The following MNS1 variants were observed in gnomAD, a reference collection of about 807,000 sequenced individuals.
MNS1 encodes meiosis-specific nuclear structural protein 1.
MNS1 carries 63 observed loss-of-function variants against 72.0 expected under a neutral mutation model. That is an observed-to-expected ratio of 0.87 (90% CI 0.71 to 1.08). The LOEUF is 1.08. MNS1 is among the 50% of genes least tolerant of loss of function. The pLI is 0.00. For synonymous variants in MNS1, 188 were observed against 172.1 expected, an observed-to-expected ratio of 1.09 and a Z score of -0.72; for missense variants, 604 against 562.4, an observed-to-expected ratio of 1.07 and a Z score of -0.75.
chr15:56,438,825 G>T (rs938382174), intron 7 of MNS1, among the ~76,000 whole-genome samples: 10 of 152,118 alleles, frequency 6.6e-5, no homozygotes, highest in Non-Finnish European at 1.5e-4. Flanking sequence ...CAAAAAGTGG[G>T]CGAAGGATAT....
In MNS1 at chr15:56,464,216, T is replaced by G. The variant is rs375221907; in HGVS notation, c.35A>C (p.Glu12Ala). The change falls in exon 2 of 10, where the codon GAA (glutamate) becomes GCA (alanine). Residue 12 changes from glutamate to alanine, a missense_variant. Physicochemically the swap from Glu to Ala is moderately radical, Grantham distance 107. Coordinates refer to ENST00000260453, the MANE Select transcript of MNS1 (RefSeq NM_018365.4). ...TTCATCTACTAATTTCTGATGCCTT[T>G]CACTACAGCTCAAATTTCTCCTTTT... ...GSKRRNLSCS[E>A]RHQKLVDENY... 2.4e-5 allele frequency: 39 copies of G among 1,611,588 alleles called. No individual in the cohort carries two copies. The highest frequency in any genetic ancestry group is 2.9e-5 in the Non-Finnish European group (34 of 1,179,382).
intron 5 of MNS1, 151 bp from the exon 6 acceptor site, chr15:56,444,005 T>C: frequency 6.1e-6 from 4 of 651,174 alleles, no homozygotes; most frequent in Non-Finnish European, 9.9e-6. Flanking sequence ...GTGCTAAATA[T>C]AATGTCAGGT....
chr15:56,446,797 T>G, intron 4 of MNS1, 44 bp downstream of exon 4: 2 of 1,414,722 alleles, frequency 1.4e-6, no homozygotes, highest in Non-Finnish European at 2.0e-6. Flanking sequence ...TAATTTTTAT[T>G]TTCTAAATGA....
intron 3 of MNS1, chr15:56,447,843 A>C (rs142342019): frequency 6.6e-6 from 1 of 152,232 alleles, no homozygotes; most frequent in East Asian, 1.9e-4. Context: ...GAGGCAAGCT[A>C]ATTTGCTGTC....
chr15:56,439,997 T>G (rs2050792470), intron 7 of MNS1, among the ~76,000 whole-genome samples: 1 of 152,034 alleles, frequency 6.6e-6, no homozygotes, highest in African/African-American at 2.4e-5. Flanking sequence ...GAAGAAACTA[T>G]TTGCTAACCA....
chr15:56,430,791 A>G (rs2050568651), intron 9 of MNS1, among the ~76,000 whole-genome samples: 1 of 152,200 alleles, frequency 6.6e-6, no homozygotes, highest in South Asian at 2.1e-4. Context: ...TTTCATACAC[A>G]TTCTCATCTT....
intron 9 of MNS1, 135 bp downstream of exon 9, chr15:56,431,238 G>A: frequency 1.1e-6 from 1 of 951,338 alleles, no homozygotes; most frequent in African/African-American, 1.7e-5. Flanking sequence ...TTCAGTGCCT[G>A]GACAGGAGGA....
chr15:56,435,442 AAATG>A (rs1273365829), intron 7 of MNS1, among the ~76,000 whole-genome samples: 3 of 152,064 alleles, frequency 2.0e-5, no homozygotes, highest in African/African-American at 7.2e-5. Context: ...TAGAAAAAAA[AAATG>A]AATGAATAAA....
intron 3 of MNS1, among the ~76,000 whole-genome samples, chr15:56,453,808 A>T (rs2050963364): frequency 6.6e-6 from 1 of 152,158 alleles, no homozygotes. Context: ...AATTAACAGG[A>T]GTCATGATTT....
rs532486425 is a variant in MNS1 at position 56,430,682 on chromosome 15, T to C, written c.1395+691A>G. On this transcript the variant is annotated intron_variant, in intron 9 of 9. Coordinates refer to ENST00000260453, the MANE Select transcript of MNS1 (RefSeq NM_018365.4). ...GGTGTTACCAGTGACAATGTTTTCA[T>C]ACACATTCTCATCTTTGGCATGTAA... Among the ~76,000 whole-genome samples the C allele has an allele frequency of 2.1e-3, 317 of 152,272 alleles. 1 individual carries two copies. The highest frequency in any genetic ancestry group is 3.6e-3 in the Non-Finnish European group (247 of 68,028).
At chr15:56,454,336 T>C (rs986073528) in intron 3 of MNS1, among the ~76,000 whole-genome samples, 3 of 149,878 alleles carry the variant, frequency 2.0e-5, no homozygotes, top group Non-Finnish European at 4.4e-5. Context: ...CCCTCAAGCA[T>C]TTATCATTTG....
intron 9 of MNS1, chr15:56,430,171 A>G (rs1304824266): frequency 6.6e-6 from 1 of 152,152 alleles, no homozygotes; most frequent in Non-Finnish European, 1.5e-5. Context: ...GATCTTATTT[A>G]TATGAGTCTA....
At chr15:56,444,699 T>C (rs1417039045) in intron 4 of MNS1, 26 bp from the exon 5 acceptor site, 1 of 1,575,876 alleles carries the variant, frequency 6.3e-7, no homozygotes, top group Admixed American at 1.7e-5. Flanking sequence ...AATTGATCTT[T>C]CCGTTTTCAA....
Position 56,431,103 on chromosome 15 carries a change from G to A in MNS1, c.1395+270C>T, listed in dbSNP as rs1453603679. ...CGGGAGGCAGAGGTTGCAGTAAGCT[G>A]ACATCTTGCCACTGCACTCCAGCCT... On this transcript the variant is annotated intron_variant, in intron 9 of 9. Transcript: ENST00000260453. Among the ~76,000 whole-genome samples, 8 of 152,310 alleles carry A rather than the reference G, an allele frequency of 5.3e-5. 1 individual carries two copies. The South Asian group carries it at 8.3e-4, about 16-fold the overall frequency.
intron 3 of MNS1, among the ~76,000 whole-genome samples, chr15:56,451,261 G>C (rs564672349): frequency 5.3e-5 from 8 of 152,310 alleles, no homozygotes; most frequent in African/African-American, 1.9e-4. Context: ...TTGTGAATAA[G>C]ATCTGCTCTG....
intron 4 of MNS1, among the ~76,000 whole-genome samples, chr15:56,446,501 A>C (rs1445050552): frequency 3.3e-5 from 5 of 152,046 alleles, no homozygotes; most frequent in African/African-American, 1.2e-4. Context: ...AAAAACATTT[A>C]AATAATTAAA....
At chr15:56,456,634 T>C in intron 2 of MNS1, 113 bp from the exon 3 acceptor site, 1 of 1,029,858 alleles carries the variant, frequency 9.7e-7, no homozygotes, top group Non-Finnish European at 1.4e-6. Flanking sequence ...CAATTGATGA[T>C]GTTTTATTTT....
intron 3 of MNS1, among the ~76,000 whole-genome samples, chr15:56,455,108 T>A (rs1212417284): frequency 6.6e-6 from 1 of 152,142 alleles, no homozygotes; most frequent in Non-Finnish European, 1.5e-5. Flanking sequence ...CAGATCTTAA[T>A]TTTATGCTTT....
intron 4 of MNS1, 39 bp downstream of exon 4, chr15:56,446,801 TA>T: frequency 6.9e-7 from 1 of 1,439,008 alleles, no homozygotes. Context: ...TTTTATTTTC[TA>T]AATGAAGCTA....
Sources: allele counts gnomAD v4.1 joint callset (sites outside exome capture counted in the v4.1 genomes callset), GRCh38; gene constraint gnomAD v4.1.1; transcripts MANE v1.5; gene names NCBI Gene and HGNC (gene_info 2026-07-23, HGNC 2026-07-21).